Variants in ZNF280D observed in about 807,000 individuals in gnomAD.
ZNF280D encodes the protein suppressor of hairy wing homolog 4.
A neutral mutation model predicts 94.7 loss-of-function variants in ZNF280D; 39 were observed. The observed-to-expected ratio is 0.41, with a 90% CI of 0.32 to 0.54. The LOEUF (loss-of-function observed/expected upper bound fraction) is 0.54. Among genes scored for constraint, ZNF280D ranks in the 20% least tolerant of loss-of-function variants. ZNF280D has a pLI of 0.22. For synonymous variants in ZNF280D, 398 were observed against 377.6 expected (o/e 1.05, Z -0.63); for missense variants, 1,090 against 1,149.3 (o/e 0.95, Z 0.75).
intron 19 of ZNF280D, chr15:56,652,709 T>G (rs755384557): frequency 4.1e-6 from 4 of 985,246 alleles, no homozygotes; most frequent in Non-Finnish European, 4.8e-6. Context: ...AATACGTAAC[T>G]TTAAAACTGG....
intron 1 of ZNF280D, among the ~76,000 whole-genome samples, chr15:56,707,551 A>G (rs1220129198): frequency 1.3e-5 from 2 of 152,180 alleles, no homozygotes; most frequent in Non-Finnish European, 1.5e-5. Flanking sequence ...TTTTTAAAGT[A>G]TTTAGTAAAA....
At chr15:56,723,515 T>C (rs1028935725) in intron 1 of ZNF280D, among the ~76,000 whole-genome samples, 3 of 152,228 alleles carry the variant, frequency 2.0e-5, no homozygotes, top group Non-Finnish European at 4.4e-5. Flanking sequence ...TATTTTTAAA[T>C]GGTGAAATTA....
intron 1 of ZNF280D, among the ~76,000 whole-genome samples, chr15:56,715,360 C>T (rs2057985725): frequency 6.6e-6 from 1 of 152,060 alleles, no homozygotes; most frequent in Non-Finnish European, 1.5e-5. Flanking sequence ...ATCCTATTCC[C>T]TCTCCTGCCC....
chr15:56,683,628 G>T (rs1161035937), intron 9 of ZNF280D, among the ~76,000 whole-genome samples: 1 of 152,116 alleles, frequency 6.6e-6, no homozygotes, highest in Non-Finnish European at 1.5e-5. Flanking sequence ...CACAGACCAT[G>T]TTCTGTTGCT....
intron 10 of ZNF280D, 21 bp from the exon 11 acceptor site, chr15:56,678,842 G>A (rs1248754058): frequency 2.0e-6 from 3 of 1,478,454 alleles, no homozygotes; most frequent in Non-Finnish European, 2.7e-6. Flanking sequence ...TTGTCAACAG[G>A]TGCAAAACTT....
At chr15:56,726,318 T>C (rs2058629581) in intron 1 of ZNF280D, among the ~76,000 whole-genome samples, 1 of 152,282 alleles carries the variant, frequency 6.6e-6, no homozygotes. Flanking sequence ...AAGTCCAGTA[T>C]ACTATCAGAG....
intron 1 of ZNF280D, chr15:56,732,779 TCA>T (rs1429280588): frequency 6.6e-6 from 1 of 152,186 alleles, no homozygotes; most frequent in Non-Finnish European, 1.5e-5. Flanking sequence ...GGCTAAAACC[TCA>T]GAGTGAGATC....
Position 56,725,817 on chromosome 15 carries a change from T to TA in ZNF280D, c.-86+7640dup, listed in dbSNP as rs542157451. Among the ~76,000 whole-genome samples the TA allele has an allele frequency of 9.3e-4, 137 of 147,478 alleles. No individual in the cohort carries two copies. In the South Asian group the frequency reaches 0.01, roughly 11 times the overall value. ...AACTGTTGGGGAATATTCAGGTGAT[T>TA]AAAAAAAAAAACTAAGTATTTATCG... On this transcript the variant is annotated intron_variant, in intron 1 of 21. Transcript: ENST00000267807.
chr15:56,676,838 A>G (rs2055264019), intron 12 of ZNF280D, 22 bp from the exon 13 acceptor site: 2 of 1,549,888 alleles, frequency 1.3e-6, no homozygotes, highest in Non-Finnish European at 1.8e-6. Flanking sequence ...AAGAAGGCTT[A>G]GTTTAACTTG....
At chr15:56,718,983 A>G (rs533836018) in intron 1 of ZNF280D, among the ~76,000 whole-genome samples, 1 of 152,306 alleles carries the variant, frequency 6.6e-6, no homozygotes, top group South Asian at 2.1e-4. Context: ...TTAACTCTTT[A>G]GAGATTCTCC....
chr15:56,719,431 T>C (rs762780942), intron 1 of ZNF280D, among the ~76,000 whole-genome samples: 12 of 151,766 alleles, frequency 7.9e-5, no homozygotes, highest in African/African-American at 1.5e-4. Flanking sequence ...CCACACAGAC[T>C]CCCTTTTGTT....
chr15:56,716,931 C>T (rs1414621566), intron 1 of ZNF280D, among the ~76,000 whole-genome samples: 1 of 152,138 alleles, frequency 6.6e-6, no homozygotes, highest in Non-Finnish European at 1.5e-5. Flanking sequence ...GGCTTCACTT[C>T]CTCTGTATTG....
intron 1 of ZNF280D, among the ~76,000 whole-genome samples, chr15:56,721,491 T>C (rs2058357523): frequency 6.6e-6 from 1 of 152,232 alleles, no homozygotes; most frequent in Admixed American, 6.5e-5. Flanking sequence ...GAAAATCTAT[T>C]GTTTAGTGTA....
intron 16 of ZNF280D, among the ~76,000 whole-genome samples, chr15:56,665,919 T>C (rs943958531): frequency 6.6e-6 from 1 of 152,094 alleles, no homozygotes; most frequent in Non-Finnish European, 1.5e-5. Context: ...GCAGATCACT[T>C]GAGGTCAGCA....
intron 13 of ZNF280D, among the ~76,000 whole-genome samples, chr15:56,670,653 T>C (rs1196707682): frequency 6.6e-6 from 1 of 152,038 alleles, no homozygotes; most frequent in African/African-American, 2.4e-5. Flanking sequence ...AAAGAACATA[T>C]GTGTGCATAT....
chr15:56,717,401 T>C (rs1428845222), intron 1 of ZNF280D, among the ~76,000 whole-genome samples: 3 of 152,080 alleles, frequency 2.0e-5, no homozygotes, highest in African/African-American at 7.2e-5. Context: ...TTAAAGTTTG[T>C]CATGAGAAAG....
chr15:56,728,406 A>C (rs1458528944), intron 1 of ZNF280D, among the ~76,000 whole-genome samples: 4 of 152,214 alleles, frequency 2.6e-5, no homozygotes, highest in African/African-American at 9.6e-5. Flanking sequence ...ACATTTTAAA[A>C]AATTCATTGG....
chr15:56,691,779 T>C (rs2056437821), intron 7 of ZNF280D, among the ~76,000 whole-genome samples: 1 of 152,190 alleles, frequency 6.6e-6, no homozygotes. Context: ...GCTTATAATG[T>C]ATTCTCACAT....
intron 13 of ZNF280D, among the ~76,000 whole-genome samples, chr15:56,673,758 T>C (rs1328025681): frequency 3.9e-5 from 6 of 152,064 alleles, no homozygotes; most frequent in South Asian, 4.1e-4. Context: ...CTCCTTGCTA[T>C]TCTTTGAGCA....
Sources: allele counts gnomAD v4.1 joint callset (sites outside exome capture counted in the v4.1 genomes callset), GRCh38; gene constraint gnomAD v4.1.1; transcripts MANE v1.5; gene names NCBI Gene and HGNC (gene_info 2026-07-23, HGNC 2026-07-21).